CLDN16: variants seen among roughly 807,000 people sequenced by gnomAD.
The protein encoded by CLDN16 is claudin-16.
Under a neutral mutation model 24.6 loss-of-function variants are expected in CLDN16, and 13 were observed. The ratio of observed to expected loss-of-function variants is 0.53; its 90% CI spans 0.34 to 0.84. CLDN16 has a LOEUF of 0.84. Among genes scored for constraint, CLDN16 ranks in the 40% least tolerant of loss-of-function variants. CLDN16 has a pLI of 0.01. For missense variants in CLDN16, 298 were observed against 292.7 expected, an observed-to-expected ratio of 1.02 and a Z score of -0.13; for synonymous variants, 116 against 106.7, an observed-to-expected ratio of 1.09 and a Z score of -0.54.
At chr3:190,314,514 C>A in the CLDN16 span, among the ~76,000 whole-genome samples, 1 of 151,978 alleles carries the variant, frequency 6.6e-6, no homozygotes, top group Non-Finnish European at 1.5e-5. Context: ...CATCCCACAG[C>A]CTCCTGAGTA....
intron 1 of CLDN16, among the ~76,000 whole-genome samples, chr3:190,335,190 C>G (rs912054231): frequency 1.3e-4 from 20 of 151,694 alleles, no homozygotes; most frequent in Middle Eastern, 6.8e-3. Flanking sequence ...ATTACAGGCA[C>G]CCGCCACCAT....
In CLDN16 at chr3:190,357,822, G is replaced by A. The variant is rs78584078; in HGVS notation, n.122-13071G>A. ...TAAAGCCATCTTTGGGTCTGTATCGGTTACATTTTCTTCTCCATAATCCCC... is the reference window on the plus strand; with the variant it reads ...TAAAGCCATCTTTGGGTCTGTATCGATTACATTTTCTTCTCCATAATCCCC... On this transcript the variant is annotated intron_variant and non_coding_transcript_variant, in intron 1 of 4. Coordinates refer to the CLDN16 transcript ENST00000468220. Among the ~76,000 whole-genome samples the A allele has an allele frequency of 4.7e-3, 715 of 151,964 alleles. 11 individuals are homozygous for A. The highest frequency in any genetic ancestry group is 0.016 in the African/African-American group (678 of 41,496).
intron 1 of CLDN16, among the ~76,000 whole-genome samples, chr3:190,366,666 A>G (rs1718032116): frequency 6.6e-6 from 1 of 151,970 alleles, no homozygotes; most frequent in South Asian, 2.1e-4. Context: ...TGTGTTTGGG[A>G]TGACCCTTCA....
chr3:190,365,639 C>T (rs747697956), intron 1 of CLDN16, among the ~76,000 whole-genome samples: 13 of 150,568 alleles, frequency 8.6e-5, no homozygotes, highest in East Asian at 2.0e-4. Context: ...CACAGAAGAA[C>T]GATCTGAAAT....
chr3:190,337,185 A>T (rs2108626983), intron 1 of CLDN16, among the ~76,000 whole-genome samples: 1 of 152,328 alleles, frequency 6.6e-6, no homozygotes, highest in East Asian at 1.9e-4. Flanking sequence ...AGGAGGCAGG[A>T]TTTGGGTTAG....
chr3:190,396,695 A>G (rs1031761426), intron 1 of CLDN16, among the ~76,000 whole-genome samples: 1 of 152,176 alleles, frequency 6.6e-6, no homozygotes, highest in African/African-American at 2.4e-5. Context: ...CATACAAAAG[A>G]TAATGCAATA....
intron 1 of CLDN16, among the ~76,000 whole-genome samples, chr3:190,324,818 T>A (rs1383933727): frequency 1.3e-5 from 2 of 152,170 alleles, no homozygotes; most frequent in Non-Finnish European, 2.9e-5. Context: ...ACAGGTGAGA[T>A]AATGGCTCAG....
At chr3:190,404,304 C>T (rs1043394239) in intron 2 of CLDN16, among the ~76,000 whole-genome samples, 2 of 151,978 alleles carry the variant, frequency 1.3e-5, no homozygotes, top group African/African-American at 4.8e-5. Flanking sequence ...TATTCTGCTT[C>T]CCTGTGTCAA....
At chr3:190,312,889 G>A in the CLDN16 span, 201 of 1,614,036 alleles carry the variant, frequency 1.2e-4, no homozygotes, top group African/African-American at 2.0e-4. Flanking sequence ...AAGAAATATC[G>A]CACCCCCAAT....
At chr3:190,298,672 A>G in the CLDN16 span, among the ~76,000 whole-genome samples, 3 of 151,908 alleles carry the variant, frequency 2.0e-5, no homozygotes, top group Non-Finnish European at 4.4e-5. Context: ...TCCCGACCTC[A>G]GGTGATCCGC....
the CLDN16 span, chr3:190,310,020 A>G: frequency 1.4e-5 from 10 of 702,276 alleles, no homozygotes; most frequent in Non-Finnish European, 2.3e-5. Context: ...TCATTTTGAC[A>G]TAAGTCAGAG....
chr3:190,300,649 T>C, the CLDN16 span, among the ~76,000 whole-genome samples: 7 of 152,240 alleles, frequency 4.6e-5, no homozygotes, highest in Non-Finnish European at 8.8e-5. Context: ...AAAAGTTTGC[T>C]GATCCCTCCG....
intron 4 of CLDN16, 134 bp downstream of exon 4, chr3:190,408,639 T>G (rs1408059412): frequency 1.2e-6 from 1 of 808,366 alleles, no homozygotes; most frequent in Non-Finnish European, 2.0e-6. Context: ...ATTCCAATTG[T>G]TCAAGGGCAA....
the CLDN16 span, among the ~76,000 whole-genome samples, chr3:190,303,003 C>T: frequency 6.6e-6 from 1 of 151,690 alleles, no homozygotes; most frequent in Non-Finnish European, 1.5e-5. Context: ...GAAAGTTCTA[C>T]CTTTGGGTAA....
At chr3:190,305,781 T>C in the CLDN16 span, 4 of 152,276 alleles carry the variant, frequency 2.6e-5, no homozygotes, top group East Asian at 7.7e-4. Context: ...AACCCCAAAA[T>C]GTCTATTGGT....
the CLDN16 span, among the ~76,000 whole-genome samples, chr3:190,298,466 T>G: frequency 1.3e-5 from 2 of 150,934 alleles, no homozygotes; most frequent in African/African-American, 2.4e-5. Flanking sequence ...TTTTTTTTTT[T>G]GTATTTGAGA....
At chr3:190,363,556 G>GTGTGTGTGTGTGTGTGTATATATATATA (rs1301414615) in intron 1 of CLDN16, among the ~76,000 whole-genome samples, 1 of 87,392 alleles carries the variant, frequency 1.1e-5, no homozygotes, top group African/African-American at 4.7e-5. Flanking sequence ...GTGTGTGTGT[G>GTGTGTGTGTGTGTGTGTATATATATATA]TATATATATA....
chr3:190,402,282 G>A (rs1718981664), intron 1 of CLDN16, 55 bp from the exon 2 acceptor site: 3 of 1,320,524 alleles, frequency 2.3e-6, no homozygotes. Flanking sequence ...TGATCAAGGG[G>A]AACTGAACTG....
chr3:190,317,173 A>G, the CLDN16 span, among the ~76,000 whole-genome samples: 1 of 152,318 alleles, frequency 6.6e-6, no homozygotes, highest in East Asian at 1.9e-4. Flanking sequence ...CTAGGAACAA[A>G]CATATTCCTT....
Sources: gnomAD v4.1 joint callset for allele counts (sites outside exome capture counted in the v4.1 genomes callset) on GRCh38, gnomAD v4.1.1 for gene constraint, MANE v1.5 for transcripts, NCBI Gene and HGNC (gene_info 2026-07-23, HGNC 2026-07-21) for gene names.